LRCOL1: variants seen among roughly 807,000 people sequenced by gnomAD.
The protein encoded by LRCOL1 is leucine-rich colipase-like protein 1.
In LRCOL1, 21 loss-of-function variants were observed where a neutral mutation model predicts 21.6. The observed-to-expected ratio is 0.97, with a 90% confidence interval of 0.69 to 1.40. The LOEUF is 1.40. LRCOL1 is among the 40% of genes most tolerant of loss of function. LRCOL1 has a pLI of 0.00. For missense variants in LRCOL1, 198 were observed against 202.3 expected (o/e 0.98, Z 0.13); for synonymous variants, 98 against 90.1 (o/e 1.09, Z -0.49).
intron 2 of LRCOL1, among the ~76,000 whole-genome samples, chr12:132,605,493 G>C (rs10870478): frequency 0.68 from 103,220 of 152,200 alleles, 36,478 homozygotes; most frequent in African/African-American, 0.87. Context: ...CTTTGGGAGG[G>C]TGAGGCCGGT....
intron 5 of LRCOL1, 69 bp from the exon 6 acceptor site, chr12:132,603,473 G>C: frequency 6.5e-7 from 1 of 1,535,718 alleles, no homozygotes; most frequent in Non-Finnish European, 8.7e-7. Context: ...GAAGGAGGAC[G>C]GGAACCCGGG....
In LRCOL1 at chr12:132,604,565, G is replaced by C; in HGVS notation, c.251C>G (p.Ser84Trp). Residue 84 changes from serine to tryptophan, a missense_variant, in exon 4 of 6, where the codon TCG (serine) becomes TGG (tryptophan). Transcript: ENST00000376608. The part of the protein sequence containing the change: ...PWRKPNGYRC[S>W]HDSECQSSCC... ...GCTGCTCTGGCACTCTGAGTCGTGC[G>C]AGCATCTGTACCCATTGGGCTATGG... The C allele has an allele frequency of 6.5e-7, 1 of 1,535,950 alleles. No individual in the cohort carries two copies. The highest frequency in any genetic ancestry group is 8.7e-7 in the Non-Finnish European group (1 of 1,146,794).
At chr12:132,605,235 C>G (rs1593650394) in intron 2 of LRCOL1, 1 of 614,670 alleles carries the variant, frequency 1.6e-6, no homozygotes, top group East Asian at 1.4e-4. Flanking sequence ...CCCTGCACCA[C>G]GGCTTGTAGC....
At chr12:132,608,305 C>G (rs78484946) in intron 1 of LRCOL1, among the ~76,000 whole-genome samples, 12,233 of 152,278 alleles carry the variant, frequency 0.08, 663 homozygotes, top group East Asian at 0.16. Flanking sequence ...ACCCACACCT[C>G]TGCCTGCGGC....
Position 132,606,170 on chromosome 12 carries a change from T to C in LRCOL1, c.82A>G (p.Lys28Glu). The change falls in exon 2 of 6, where the codon AAG becomes GAG. Residue 28 changes from lysine to glutamate, a missense_variant. By Grantham distance (56) the Lys-to-Glu change is moderately conservative. Transcript: ENST00000376608. The surrounding 1 kb of genome is among the most constrained non-coding windows in gnomAD (Gnocchi z 4.6). ...ACCTTATGGGACAGGTTCAACTTCT[T>C]CTGTGGCCCATACCCTGCCATGGAC... ...LGSMAGYGPQ[K>E]KLNLSHKGIG... 6.5e-7 allele frequency: 1 copy of C among 1,536,410 alleles called. No individual in the cohort carries two copies. The highest frequency in any genetic ancestry group is 8.7e-7 in the Non-Finnish European group (1 of 1,146,898).
chr12:132,608,917 C>CT (rs1430492240), intron 1 of LRCOL1, among the ~76,000 whole-genome samples: 14 of 152,164 alleles, frequency 9.2e-5, no homozygotes, highest in Non-Finnish European at 2.1e-4. Flanking sequence ...CACGATGTGC[C>CT]TGACAGATCA....
intron 5 of LRCOL1, chr12:132,603,921 GT>G (rs2041262466): frequency 1.6e-6 from 2 of 1,218,662 alleles, no homozygotes; most frequent in African/African-American, 3.3e-5. Flanking sequence ...TGGTGAGGCT[GT>G]TCCCTCTCCG....
chr12:132,608,663 C>A (rs1445056991), intron 1 of LRCOL1, among the ~76,000 whole-genome samples: 1 of 152,186 alleles, frequency 6.6e-6, no homozygotes, highest in Non-Finnish European at 1.5e-5. Context: ...ACCTCCTGGG[C>A]TCAGGTGATC....
intron 2 of LRCOL1, among the ~76,000 whole-genome samples, chr12:132,605,557 C>A (rs911022837): frequency 6.6e-6 from 1 of 152,006 alleles, no homozygotes; most frequent in Admixed American, 6.6e-5. Flanking sequence ...GGTGAAACCC[C>A]ATCTCTACCA....
chr12:132,603,480 C>G, intron 5 of LRCOL1, 76 bp from the exon 6 acceptor site: 1 of 1,535,592 alleles, frequency 6.5e-7, no homozygotes, highest in Non-Finnish European at 8.7e-7. Flanking sequence ...GACGGGAACC[C>G]GGGGCCACAG....
intron 1 of LRCOL1, among the ~76,000 whole-genome samples, chr12:132,607,964 T>G (rs945458053): frequency 5.9e-5 from 9 of 151,816 alleles, no homozygotes; most frequent in Non-Finnish European, 1.0e-4. Context: ...TCCCTCTCTC[T>G]GTCTCTTTCT....
At chr12:132,604,088 C>G in intron 5 of LRCOL1, 166 bp downstream of exon 5, 2 of 1,428,332 alleles carry the variant, frequency 1.4e-6, no homozygotes, top group Non-Finnish European at 9.1e-7. Flanking sequence ...CGGCCCCCAC[C>G]TTATGAGATG....
At chr12:132,605,151 A>C in intron 2 of LRCOL1, 1 of 1,150,540 alleles carries the variant, frequency 8.7e-7, no homozygotes, top group East Asian at 5.5e-5. Context: ...AGGAGAAGAA[A>C]CAGGCTCAGG....
At chr12:132,605,712 G>C (rs2041298426) in intron 2 of LRCOL1, 1 of 153,778 alleles carries the variant, frequency 6.5e-6, no homozygotes, top group Non-Finnish European at 1.4e-5. Context: ...CTGGGCGACA[G>C]AGCGAGGCTT....
chr12:132,607,205 T>G (rs531167610), intron 1 of LRCOL1, among the ~76,000 whole-genome samples: 1 of 152,322 alleles, frequency 6.6e-6, no homozygotes, highest in East Asian at 1.9e-4. Flanking sequence ...ACAGGAACCC[T>G]TCCTCGGGAC....
intron 2 of LRCOL1, chr12:132,605,813 C>A (rs537680327): frequency 1.1e-3 from 325 of 307,702 alleles, no homozygotes; most frequent in Admixed American, 1.4e-3. Flanking sequence ...TTTTCAAAAA[C>A]AGAAGTGCAC....
intron 1 of LRCOL1, among the ~76,000 whole-genome samples, chr12:132,607,461 A>C (rs1242538766): frequency 3.9e-5 from 6 of 152,374 alleles, no homozygotes; most frequent in Admixed American, 6.5e-5. Context: ...TGAAGGGCGA[A>C]TATGAAGTCC....
At chr12:132,603,466 G>A (rs2041252390) in intron 5 of LRCOL1, 62 bp from the exon 6 acceptor site, 5 of 1,535,746 alleles carry the variant, frequency 3.3e-6, no homozygotes, top group Admixed American at 2.0e-5. Flanking sequence ...GGCCGCGGAA[G>A]GAGGACGGGA....
chr12:132,604,047 G>A, intron 5 of LRCOL1: 1 of 1,395,754 alleles, frequency 7.2e-7, no homozygotes, highest in Non-Finnish European at 9.3e-7. Flanking sequence ...GGGGCCTGGT[G>A]GGCTCAGTGC....
Sources: gnomAD v4.1 joint callset for allele counts (sites outside exome capture counted in the v4.1 genomes callset) on GRCh38, gnomAD v4.1.1 for gene constraint, Gnocchi (gnomAD v3.1) non-coding constraint, MANE v1.5 for transcripts, NCBI Gene and HGNC (gene_info 2026-07-23, HGNC 2026-07-21) for gene names.